Variants in MMRN2 observed in about 807,000 individuals in gnomAD.
MMRN2 encodes the protein multimerin-2.
MMRN2 carries 53 observed loss-of-function variants against 68.8 expected under a neutral mutation model. That is an observed-to-expected ratio of 0.77 (90% CI 0.62 to 0.97). The LOEUF is 0.97. Ranked by LOEUF, MMRN2 falls within the 50% of genes least tolerant of loss-of-function variation. MMRN2 has a pLI of 0.00. For synonymous variants in MMRN2, 564 were observed against 551.6 expected (o/e 1.02, Z -0.32); for missense variants, 1,266 against 1,259.5 (o/e 1.01, Z -0.08).
At chr10:86,939,834 TG>T (rs1843940897) in intron 6 of MMRN2, among the ~76,000 whole-genome samples, 145 of 134,582 alleles carry the variant, frequency 1.1e-3, no homozygotes, top group Admixed American at 2.0e-3. Flanking sequence ...TGTGTGTGTG[TG>T]TGTTTGTGTG....
At chr10:86,946,927 C>T (rs1030474812) in intron 1 of MMRN2, among the ~76,000 whole-genome samples, 4 of 152,060 alleles carry the variant, frequency 2.6e-5, no homozygotes, top group Non-Finnish European at 4.4e-5. Context: ...GCCAGAAAGT[C>T]GGATGAGGCA....
intron 6 of MMRN2, among the ~76,000 whole-genome samples, chr10:86,941,234 A>C (rs1843959730): frequency 6.6e-6 from 1 of 152,228 alleles, no homozygotes; most frequent in Non-Finnish European, 1.5e-5. Context: ...TTCCCTGTAC[A>C]GTCCACTGAG....
intron 1 of MMRN2, among the ~76,000 whole-genome samples, chr10:86,952,349 C>T (rs988091684): frequency 1.3e-5 from 2 of 152,344 alleles, no homozygotes; most frequent in African/African-American, 2.4e-5. Context: ...CTTGCCTGCA[C>T]AGACATCCAC....
chr10:86,939,865 G>GTGTGTC (rs1205651227), intron 6 of MMRN2, among the ~76,000 whole-genome samples: 14 of 147,234 alleles, frequency 9.5e-5, no homozygotes, highest in African/African-American at 3.5e-4. Flanking sequence ...GTGTGTGTGT[G>GTGTGTC]TTTGAGACAG....
At chr10:86,945,087 G>T in intron 4 of MMRN2, 101 bp downstream of exon 4, 1 of 1,036,616 alleles carries the variant, frequency 9.6e-7, no homozygotes, top group Non-Finnish European at 1.4e-6. Context: ...CTGGAGGCAA[G>T]GTTTCCCTGA....
At position 86,945,604 on chromosome 10, in the gene MMRN2, G is replaced by A. The variant is rs759119179; in HGVS notation, c.250C>T (p.Pro84Ser). 9.9e-6 allele frequency: 16 copies of A among 1,611,682 alleles called. No homozygotes were observed. The highest frequency in any genetic ancestry group is 1.3e-5 in the African/African-American group (1 of 74,910). The stretch of plus-strand genomic sequence containing the variant: ...CAGTCTGGAGCTCCCTGCGGACACG[G>A]CTGCTGCGAGTGGATGAGGAATTTC... The part of the protein sequence containing the change: ...TEKFLIHSQQ[P>S]CPQGAPDCQK... Residue 84 changes from proline to serine, a missense_variant, in exon 2 of 7, where the codon CCG becomes TCG. Pro to Ser is a moderately conservative substitution (Grantham distance 74). Transcript: ENST00000372027.
At chr10:86,940,404 G>C (rs1843950692) in intron 6 of MMRN2, among the ~76,000 whole-genome samples, 1 of 152,224 alleles carries the variant, frequency 6.6e-6, no homozygotes, top group Non-Finnish European at 1.5e-5. Flanking sequence ...AAAGTCATCA[G>C]CATATTGAAG....
intron 1 of MMRN2, chr10:86,949,252 GA>G (rs1844111064): frequency 6.6e-6 from 1 of 152,160 alleles, no homozygotes; most frequent in Admixed American, 6.5e-5. Context: ...TTACAACCCA[GA>G]ATCTCATATC....
At chr10:86,941,233 C>G (rs1223404525) in intron 6 of MMRN2, among the ~76,000 whole-genome samples, 1 of 152,198 alleles carries the variant, frequency 6.6e-6, no homozygotes, top group Non-Finnish European at 1.5e-5. Context: ...TTTCCCTGTA[C>G]AGTCCACTGA....
At position 86,952,364 on chromosome 10, in the gene MMRN2, G is replaced by C. The variant is rs147039431; in HGVS notation, c.164+5014C>G. 9.2e-5 allele frequency among the ~76,000 whole-genome samples: 14 copies of C among 152,330 alleles called. No homozygotes were observed. The East Asian group carries it at 2.7e-3, about 29-fold the overall frequency. On this transcript the variant is annotated intron_variant, in intron 1 of 6. Transcript: ENST00000372027. ...CTTGCCTGCACAGACATCCACCTGG[G>C]GCCCCATGGAAACTCCTGGAACATG...
chr10:86,949,529 C>CAAAAAAA (rs1048695693), intron 1 of MMRN2: 1 of 129,456 alleles, frequency 7.7e-6, no homozygotes. Context: ...GACCCCATCT[C>CAAAAAAA]AAAAAAAAAA....
At chr10:86,951,393 A>G (rs1844141412) in intron 1 of MMRN2, among the ~76,000 whole-genome samples, 1 of 152,268 alleles carries the variant, frequency 6.6e-6, no homozygotes, top group African/African-American at 2.4e-5. Flanking sequence ...AAAAGTATGA[A>G]GAATTTCAAG....
chr10:86,943,907 A>G lies in MMRN2; in HGVS notation c.877T>C (p.Phe293Leu). The G allele has an allele frequency of 6.2e-7, 1 of 1,614,026 alleles. No homozygotes were observed. The highest frequency in any genetic ancestry group is 8.5e-7 in the Non-Finnish European group (1 of 1,180,022). Residue 293 changes from phenylalanine to leucine, a missense_variant, in exon 6 of 7, where the codon TTT (phenylalanine) becomes CTT (leucine). By Grantham distance (22) the Phe-to-Leu change is conservative. Transcript: ENST00000372027. This position sits in a 1 kb window ranked among gnomAD's most constrained non-coding sequence, Gnocchi z 4.2. ...RADFQELGAK[F>L]EAKVQENTQR... ...GTGTTCTCCTGGACCTTGGCCTCAA[A>G]TTTGGCACCAAGCTCCTGGAAGTCA...
At chr10:86,940,137 C>A (rs962137558) in intron 6 of MMRN2, among the ~76,000 whole-genome samples, 1 of 151,640 alleles carries the variant, frequency 6.6e-6, no homozygotes, top group Admixed American at 6.6e-5. Context: ...CTCAGCCTCC[C>A]GAGTAGCTGG....
In MMRN2 at chr10:86,942,562, TGAGTGGCGAA is replaced by T; in HGVS notation, c.2212_2221del (p.Phe738SerfsTer37). 6.2e-7 allele frequency: 1 copy of T among 1,613,022 alleles called. No homozygotes were observed. Among genetic ancestry groups the T allele is most frequent in the Non-Finnish European group, 8.5e-7 (1 of 1,179,936 alleles). ...CCGCTGGTGCTGCTCCAAGCTGCGCTGAGTGGCGAAGAGTGCGTTGTGGAGGCCGTGAAGG... is the reference window on the plus strand; with the variant it reads ...CCGCTGGTGCTGCTCCAAGCTGCGCTGAGTGCGTTGTGGAGGCCGTGAAGG... On this transcript the variant is annotated frameshift_variant, in exon 6 of 7. Coordinates refer to ENST00000372027, the MANE Select transcript of MMRN2 (RefSeq NM_024756.3). LOFTEE classifies it high-confidence loss of function.
At chr10:86,944,645 T>C in intron 4 of MMRN2, 1 of 566,346 alleles carries the variant, frequency 1.8e-6, no homozygotes, top group African/African-American at 1.9e-5. Flanking sequence ...CAGACATGAC[T>C]AATCAATCAT....
chr10:86,948,464 T>G (rs2133683206), intron 1 of MMRN2, among the ~76,000 whole-genome samples: 1 of 152,024 alleles, frequency 6.6e-6, no homozygotes, highest in African/African-American at 2.4e-5. Flanking sequence ...TCTTGGAAAT[T>G]AAAAACGTAA....
At chr10:86,956,060 G>A (rs1365433590) in intron 1 of MMRN2, among the ~76,000 whole-genome samples, 2 of 152,184 alleles carry the variant, frequency 1.3e-5, no homozygotes, top group African/African-American at 2.4e-5. Context: ...ATCAAAAGGC[G>A]GAAGGTGGCC....
chr10:86,943,484 C>G lies in MMRN2; in HGVS notation c.1300G>C (p.Glu434Gln), dbSNP rs1355141274. 4 of 1,614,092 alleles carry G rather than the reference C, an allele frequency of 2.5e-6. No individual in the cohort carries two copies. The Admixed American group carries it at 6.7e-5, about 27-fold the overall frequency. Reference sequence around the variant, plus strand: ...GCCGTGTGGTTCACCTGCAGCTCCTCCACCTGCCGCTCCACCTTGCTAATC... The same window carrying G: ...GCCGTGTGGTTCACCTGCAGCTCCTGCACCTGCCGCTCCACCTTGCTAATC... Reference protein sequence around the residue: ...DQISKVERQVEELQVNHTALR... With the variant: ...DQISKVERQVQELQVNHTALR... Residue 434 changes from glutamate to glutamine, a missense_variant, in exon 6 of 7, where the codon GAG becomes CAG. Glu to Gln is a conservative substitution (Grantham distance 29). Transcript: ENST00000372027. The surrounding 1 kb of genome is among the most constrained non-coding windows in gnomAD (Gnocchi z 4.2).
Sources: gnomAD v4.1 joint callset for allele counts (sites outside exome capture counted in the v4.1 genomes callset) on GRCh38, gnomAD v4.1.1 for gene constraint, Gnocchi (gnomAD v3.1) non-coding constraint, MANE v1.5 for transcripts, NCBI Gene and HGNC (gene_info 2026-07-23, HGNC 2026-07-21) for gene names.